RRAS2: variants seen among roughly 807,000 people sequenced by gnomAD.
RRAS2 encodes the protein ras-related protein R-Ras2.
RRAS2 carries 7 observed loss-of-function variants against 27.6 expected under a neutral mutation model. The ratio of observed to expected loss-of-function variants is 0.25; its 90% CI spans 0.14 to 0.48. RRAS2 has a LOEUF of 0.48. Among genes scored for constraint, RRAS2 ranks in the 20% least tolerant of loss-of-function variants. The probability of loss-of-function intolerance (pLI) is 0.99; values close to 1 mark genes in which losing one functional copy is unlikely to be tolerated. For missense variants in RRAS2, 178 were observed against 256.2 expected (o/e 0.69, Z 2.08); for synonymous variants, 86 against 90.9 (o/e 0.95, Z 0.31).
intron 1 of RRAS2, among the ~76,000 whole-genome samples, chr11:14,348,544 T>G (rs1848884938): frequency 6.6e-6 from 1 of 152,242 alleles, no homozygotes; most frequent in South Asian, 2.1e-4. Context: ...CTAGATCATT[T>G]ATTTATCATA....
intron 2 of RRAS2, among the ~76,000 whole-genome samples, chr11:14,295,268 G>A (rs1347395279): frequency 6.6e-6 from 1 of 152,158 alleles, no homozygotes; most frequent in Non-Finnish European, 1.5e-5. Context: ...ACCATACTTA[G>A]TGCAGGTGCT....
At chr11:14,313,952 TAAAGA>T (rs1554949208) in intron 1 of RRAS2, among the ~76,000 whole-genome samples, 1 of 152,128 alleles carries the variant, frequency 6.6e-6, no homozygotes, top group Admixed American at 6.5e-5. Context: ...GAGCAATCAG[TAAAGA>T]AAAAAGAATT....
At position 14,279,018 on chromosome 11, in the gene RRAS2, T is replaced by G. The variant is rs532802161; in HGVS notation, c.*319A>C. 60 of 200,456 alleles carry G rather than the reference T, an allele frequency of 3.0e-4. No homozygotes were observed. Among genetic ancestry groups the G allele is most frequent in the Non-Finnish European group, 5.6e-4 (55 of 98,148 alleles). The allele number at this position is 200,456 out of a possible 1,614,324, so 12.4% of individuals were successfully genotyped here. A position where few individuals can be genotyped will look rare whatever the true frequency, so the allele number is the denominator to read the frequency against. ...TTATTTCACAACCTGTAGCTTCAGCTTGGCAAACAGCTTAGATTCCAAAAC... is the reference window on the plus strand; with the variant it reads ...TTATTTCACAACCTGTAGCTTCAGCGTGGCAAACAGCTTAGATTCCAAAAC... On this transcript the variant is annotated 3_prime_UTR_variant, in exon 6 of 6. Transcript: ENST00000256196.
intron 1 of RRAS2, among the ~76,000 whole-genome samples, chr11:14,337,807 T>A (rs545333340): frequency 4.5e-4 from 69 of 152,250 alleles, no homozygotes; most frequent in African/African-American, 1.1e-3. Flanking sequence ...GTAAATTTTT[T>A]AAAAATTGTT....
intron 1 of RRAS2, among the ~76,000 whole-genome samples, chr11:14,307,960 T>C (rs926194833): frequency 1.1e-4 from 17 of 152,192 alleles, no homozygotes; most frequent in Admixed American, 1.1e-3. Flanking sequence ...AGGTTGTTCA[T>C]AGTGAAATGT....
chr11:14,350,728 T>C (rs1317666002), intron 1 of RRAS2, among the ~76,000 whole-genome samples: 13 of 151,728 alleles, frequency 8.6e-5, no homozygotes, highest in African/African-American at 3.1e-4. Context: ...AAAAATCTCA[T>C]GTTTTAAGAA....
chr11:14,301,329 A>C (rs1847697817), intron 1 of RRAS2, among the ~76,000 whole-genome samples: 1 of 152,010 alleles, frequency 6.6e-6, no homozygotes, highest in South Asian at 2.1e-4. Flanking sequence ...TTTAACCCTG[A>C]GCTTTCACCT....
At chr11:14,362,140 G>C (rs557091252), upstream of RRAS2, among the ~76,000 whole-genome samples, 1 of 152,294 alleles carries the variant, frequency 6.6e-6, no homozygotes, top group East Asian at 1.9e-4. Context: ...TTTGAAATTA[G>C]ATAGTGGTGT....
chr11:14,293,633 T>C (rs1847471193), intron 4 of RRAS2, among the ~76,000 whole-genome samples: 1 of 152,186 alleles, frequency 6.6e-6, no homozygotes, highest in African/African-American at 2.4e-5. Flanking sequence ...TTGCCTGCCG[T>C]CATGTAAGAC....
chr11:14,311,094 T>C (rs544214168), intron 1 of RRAS2, among the ~76,000 whole-genome samples: 1 of 152,324 alleles, frequency 6.6e-6, no homozygotes, highest in East Asian at 1.9e-4. Context: ...ATGCCTATAA[T>C]GCCAACACTT....
intron 1 of RRAS2, among the ~76,000 whole-genome samples, chr11:14,329,583 G>GGTCCC (rs1848444373): frequency 2.0e-5 from 3 of 152,062 alleles, no homozygotes; most frequent in African/African-American, 7.2e-5. Flanking sequence ...ATAAGCTGTA[G>GGTCCC]GTCCCCTCAA....
chr11:14,356,018 C>T (rs1591493662), intron 1 of RRAS2, among the ~76,000 whole-genome samples: 1 of 152,176 alleles, frequency 6.6e-6, no homozygotes, highest in East Asian at 1.9e-4. Context: ...GTACTAGACA[C>T]TGTTCTAAGC....
chr11:14,293,637 G>A (rs1282289047), intron 4 of RRAS2, among the ~76,000 whole-genome samples: 4 of 152,180 alleles, frequency 2.6e-5, no homozygotes, highest in Non-Finnish European at 4.4e-5. Context: ...CTGCCGTCAT[G>A]TAAGACGTGT....
At chr11:14,304,546 T>A (rs769260571) in intron 1 of RRAS2, among the ~76,000 whole-genome samples, 13 of 152,238 alleles carry the variant, frequency 8.5e-5, no homozygotes, top group Non-Finnish European at 1.5e-4. Flanking sequence ...TAAAATTGTG[T>A]TATATGTATG....
In RRAS2 at chr11:14,334,853, C is replaced by T. The variant is rs577296485; in HGVS notation, c.108+23910G>A. On this transcript the variant is annotated intron_variant, in intron 1 of 5. Coordinates refer to ENST00000256196, the MANE Select transcript of RRAS2 (RefSeq NM_012250.6). ...CTTTTTCCTCAGCATATAAACAAGA[C>T]ACCTTCTTTTTCTAAAAACACTCAC... Among the ~76,000 whole-genome samples, 36 of 152,274 alleles carry T rather than the reference C, an allele frequency of 2.4e-4. 1 individual carries two copies. In the South Asian group the frequency reaches 7.5e-3, roughly 32 times the overall value.
chr11:14,296,287 A>G (rs1847548909), intron 1 of RRAS2, among the ~76,000 whole-genome samples: 1 of 152,248 alleles, frequency 6.6e-6, no homozygotes, highest in Non-Finnish European at 1.5e-5. Context: ...CCACTTATCC[A>G]GAACTAATCA....
At chr11:14,292,535 C>T (rs1393242218) in intron 4 of RRAS2, among the ~76,000 whole-genome samples, 1 of 151,504 alleles carries the variant, frequency 6.6e-6, no homozygotes, top group Admixed American at 6.6e-5. Flanking sequence ...CACTGGGCAA[C>T]ATCAATAAAT....
intron 1 of RRAS2, among the ~76,000 whole-genome samples, chr11:14,306,745 C>T (rs1211597627): frequency 2.0e-5 from 3 of 152,156 alleles, no homozygotes; most frequent in Non-Finnish European, 4.4e-5. Context: ...ACCCCATTCC[C>T]TACCCTGAGC....
intron 2 of RRAS2, 45 bp from the exon 3 acceptor site, chr11:14,294,907 C>T (rs374115388): frequency 2.2e-5 from 34 of 1,559,154 alleles, no homozygotes; most frequent in Non-Finnish European, 2.7e-5. Flanking sequence ...TTTTTATAAA[C>T]TGCTTCCCCA....
Sources: allele counts gnomAD v4.1 joint callset (sites outside exome capture counted in the v4.1 genomes callset), GRCh38; gene constraint gnomAD v4.1.1; transcripts MANE v1.5; gene names NCBI Gene and HGNC (gene_info 2026-07-23, HGNC 2026-07-21).